Variants in ADGRF1 observed in about 807,000 individuals in gnomAD.
ADGRF1 encodes G protein-coupled receptor 110.
ADGRF1 carries 85 observed loss-of-function variants against 87.2 expected under a neutral mutation model. That is an observed-to-expected ratio of 0.97 (90% confidence interval 0.82 to 1.17). The LOEUF (loss-of-function observed/expected upper bound fraction) is 1.17, where lower values mean the gene tolerates loss of function less well. ADGRF1 is among the 50% of genes most tolerant of loss of function. ADGRF1 has a pLI of 0.00. For synonymous variants in ADGRF1, 430 were observed against 408.8 expected (o/e 1.05, Z -0.63); for missense variants, 1,169 against 1,077.2 (o/e 1.09, Z -1.19).
Position 47,010,444 on chromosome 6 carries a change from T to C in ADGRF1, c.1117-126A>G, listed in dbSNP as rs554991651. 2.3e-5 allele frequency: 18 copies of C among 788,236 alleles called. No individual in the cohort carries two copies. The African/African-American group carries it at 3.0e-4, about 13-fold the overall frequency. 48.8% of individuals were successfully genotyped at this position (788,236 alleles called of 1,614,324 possible). ...AGAATTGGCTCAGTCACGAACCACA[T>C]TAAAACTCATCAATCAAATTTAGCT... On this transcript the variant is annotated intron_variant, in intron 10 of 14. Transcript: ENST00000371253.
In ADGRF1 at chr6:47,014,842, G is replaced by A. The variant is rs773657909; in HGVS notation, c.766C>T (p.Gln256Ter). ...AATCCAAAGACAATGTCATTACACT[G>A]GGCTGGAAACAAAAGAAAACAACAA... ...DGSFRVFGKA[Q>*]CNDIVFGFGS... The change falls in exon 9 of 15, where the codon CAG (glutamine) becomes TAG (stop). Residue 256 changes from glutamine (Q) to a stop codon, truncating the protein, a stop_gained and splice_region_variant. Transcript: ENST00000371253. LOFTEE classifies it high-confidence loss of function. 5 of 1,595,906 alleles carry A rather than the reference G, an allele frequency of 3.1e-6. No homozygotes were observed. In the Admixed American group the frequency reaches 8.7e-5, roughly 28 times the overall value.
At chr6:47,016,567 T>A (rs375033828) in intron 8 of ADGRF1, 50 bp downstream of exon 8, 4 of 1,438,144 alleles carry the variant, frequency 2.8e-6, no homozygotes, top group Admixed American at 2.3e-5. Flanking sequence ...AATGAACTAC[T>A]AATTAAAGGA....
chr6:47,007,226 G>T, intron 12 of ADGRF1, 27 bp downstream of exon 12: 3 of 1,473,380 alleles, frequency 2.0e-6, no homozygotes, highest in Non-Finnish European at 2.8e-6. Flanking sequence ...TAGGCTAGGG[G>T]TTAATGAGAG....
At chr6:47,028,345 A>C (rs1312778005) in intron 2 of ADGRF1, among the ~76,000 whole-genome samples, 1 of 152,190 alleles carries the variant, frequency 6.6e-6, no homozygotes, top group African/African-American at 2.4e-5. Flanking sequence ...AAGTAATGCC[A>C]GTGGTTTAGA....
At chr6:47,015,704 T>C (rs1051849408) in intron 8 of ADGRF1, among the ~76,000 whole-genome samples, 5 of 151,592 alleles carry the variant, frequency 3.3e-5, no homozygotes, top group African/African-American at 1.2e-4. Flanking sequence ...TCCCCTGCCT[T>C]GGCCTCTCGA....
Position 47,035,940 on chromosome 6 carries a change from T to C in ADGRF1, c.-44+6251A>G, listed in dbSNP as rs887239996. Among the ~76,000 whole-genome samples the C allele has an allele frequency of 2.6e-5, 4 of 151,884 alleles. No individual in the cohort carries two copies. In the South Asian group the frequency reaches 6.2e-4, roughly 24 times the overall value. Reference sequence around the variant, plus strand: ...GGAGAGGGGGAGAGGGCTGAAGCGCTACCTATTGGGCTGGGCGCGATGGCT... The same window carrying C: ...GGAGAGGGGGAGAGGGCTGAAGCGCCACCTATTGGGCTGGGCGCGATGGCT... On this transcript the variant is annotated intron_variant, in intron 1 of 14. Transcript: ENST00000371253.
chr6:47,040,328 C>T (rs1374888891), intron 1 of ADGRF1, among the ~76,000 whole-genome samples: 1 of 151,946 alleles, frequency 6.6e-6, no homozygotes, highest in African/African-American at 2.4e-5. Flanking sequence ...AAAAATTAGC[C>T]AGGCATGGTG....
At chr6:47,035,360 G>A (rs1780559560) in intron 1 of ADGRF1, among the ~76,000 whole-genome samples, 1 of 152,140 alleles carries the variant, frequency 6.6e-6, no homozygotes, top group Non-Finnish European at 1.5e-5. Context: ...TTTAAAGTAG[G>A]TAAAGTCCAG....
intron 1 of ADGRF1, 110 bp from the exon 2 acceptor site, chr6:47,029,214 G>T: frequency 1.6e-6 from 1 of 620,434 alleles, no homozygotes; most frequent in Non-Finnish European, 2.9e-6. Flanking sequence ...CCGAACCCCT[G>T]GGTGTTTATG....
chr6:47,029,020 G>C lies in ADGRF1; in HGVS notation c.42C>G (p.Phe14Leu), dbSNP rs756327521. ...GVLWLISFFTFTDGHGGFLGK... is the reference protein window; with the variant it reads ...GVLWLISFFTLTDGHGGFLGK... Reference sequence around the variant, plus strand: ...CCAGGAAGCCACCGTGGCCGTCAGTGAAGGTGAAGAAAGAAATGAGCCACA... The same window carrying C: ...CCAGGAAGCCACCGTGGCCGTCAGTCAAGGTGAAGAAAGAAATGAGCCACA... The change falls in exon 2 of 15, where the codon TTC (phenylalanine) becomes TTG (leucine). Residue 14 changes from phenylalanine to leucine, a missense_variant. Coordinates refer to ENST00000371253, the MANE Select transcript of ADGRF1 (RefSeq NM_153840.4). 6.2e-7 allele frequency: 1 copy of C among 1,613,994 alleles called. No homozygotes were observed. Among genetic ancestry groups the C allele is most frequent in the East Asian group, 2.2e-5 (1 of 44,892 alleles).
intron 2 of ADGRF1, among the ~76,000 whole-genome samples, chr6:47,028,015 G>A (rs973848001): frequency 4.6e-5 from 7 of 152,170 alleles, no homozygotes; most frequent in African/African-American, 1.7e-4. Context: ...AGAGGCACAG[G>A]AGGTGGGGTC....
rs1779303668 is a variant in ADGRF1, at chr6:46,999,566, G to T, written c.*656C>A. 1 of 152,198 alleles carries T rather than the reference G, an allele frequency of 6.6e-6. No homozygotes were observed. Among genetic ancestry groups the T allele is most frequent in the East Asian group, 1.9e-4 (1 of 5,194 alleles). 9.4% of individuals were successfully genotyped at this position (152,198 alleles called of 1,614,324 possible). ...TTGCAGGGTTTAGGACCAGATGGAAGTGCCTTGTAAACTGAAAAATACCAC... is the reference window on the plus strand; with the variant it reads ...TTGCAGGGTTTAGGACCAGATGGAATTGCCTTGTAAACTGAAAAATACCAC... On this transcript the variant is annotated 3_prime_UTR_variant, in exon 15 of 15. Coordinates refer to ENST00000371253, the MANE Select transcript of ADGRF1 (RefSeq NM_153840.4).
At chr6:47,020,420 C>A (rs561112134) in intron 7 of ADGRF1, 1 of 982,966 alleles carries the variant, frequency 1.0e-6, no homozygotes, top group African/African-American at 1.7e-5. Context: ...CTCTTGAACC[C>A]GGTAGGCAGA....
At chr6:47,015,574 CTATT>C (rs374537407) in intron 8 of ADGRF1, among the ~76,000 whole-genome samples, 3,466 of 149,258 alleles carry the variant, frequency 0.023, 64 homozygotes, top group African/African-American at 0.028. Flanking sequence ...CGATGCCTGG[CTATT>C]TATTTATTTA....
At chr6:47,016,830 C>A in intron 7 of ADGRF1, 62 bp from the exon 8 acceptor site, 1 of 1,504,388 alleles carries the variant, frequency 6.6e-7, no homozygotes. Context: ...TCACTCCCGG[C>A]CTATGCTGTG....
chr6:47,028,562 G>A (rs1361812079), intron 2 of ADGRF1, among the ~76,000 whole-genome samples: 2 of 152,156 alleles, frequency 1.3e-5, no homozygotes, highest in Admixed American at 6.5e-5. Flanking sequence ...GTCTGAGATG[G>A]AGCTATACAG....
chr6:47,001,405 T>C, intron 14 of ADGRF1, 96 bp downstream of exon 14: 1 of 982,688 alleles, frequency 1.0e-6, no homozygotes. Flanking sequence ...ACTTCTCACA[T>C]GAGTTTCTTA....
chr6:47,016,849 C>T, intron 7 of ADGRF1, 81 bp from the exon 8 acceptor site: 3 of 1,433,246 alleles, frequency 2.1e-6, no homozygotes, highest in Non-Finnish European at 2.8e-6. Flanking sequence ...TGTGTACATG[C>T]CATGGGGTCC....
At chr6:47,037,360 T>C (rs916543361) in intron 1 of ADGRF1, among the ~76,000 whole-genome samples, 1 of 152,230 alleles carries the variant, frequency 6.6e-6, no homozygotes, top group South Asian at 2.1e-4. Flanking sequence ...AACTCTTTTG[T>C]CTTTGTCGCT....
Sources: allele counts gnomAD v4.1 joint callset (sites outside exome capture counted in the v4.1 genomes callset), GRCh38; gene constraint gnomAD v4.1.1; transcripts MANE v1.5; gene names NCBI Gene and HGNC (gene_info 2026-07-23, HGNC 2026-07-21).